The following PES1 variants were observed in gnomAD, a reference collection of about 807,000 sequenced individuals.
The protein encoded by PES1 is pescadillo homolog.
A neutral mutation model predicts 77.1 loss-of-function variants in PES1; 31 were observed. The observed-to-expected ratio is 0.40, with a 90% CI of 0.30 to 0.54. The LOEUF (loss-of-function observed/expected upper bound fraction) is 0.54, where lower values mean the gene tolerates loss of function less well. Among genes scored for constraint, PES1 ranks in the 20% least tolerant of loss-of-function variants. The probability of loss-of-function intolerance (pLI) is 0.45; values close to 1 mark genes in which losing one functional copy is unlikely to be tolerated. For synonymous variants in PES1, 282 were observed against 303.0 expected (o/e 0.93, Z 0.72); for missense variants, 658 against 771.7 (o/e 0.85, Z 1.75).
At chr22:30,606,168 T>C (rs1225833057) in intron 1 of PES1, among the ~76,000 whole-genome samples, 1 of 152,178 alleles carries the variant, frequency 6.6e-6, no homozygotes, top group Non-Finnish European at 1.5e-5. Context: ...GAGGTTACTT[T>C]CCGAGTTCTG....
At chr22:30,593,728 G>A (rs1046152001), upstream of PES1, among the ~76,000 whole-genome samples, 1 of 152,138 alleles carries the variant, frequency 6.6e-6, no homozygotes, top group Non-Finnish European at 1.5e-5. Context: ...ACACAGGTGG[G>A]GATGTTCAGG....
At chr22:30,578,780 C>T in intron 14 of PES1, 57 bp downstream of exon 14, 1 of 1,576,996 alleles carries the variant, frequency 6.3e-7, no homozygotes, top group African/African-American at 1.3e-5. Context: ...ATAAGTTCAC[C>T]TGTGCAGTTG....
rs2087051525 is a variant in PES1, at chr22:30,584,828, A to G, written c.369-111T>C. On this transcript the variant is annotated intron_variant, in intron 4 of 14. Coordinates refer to ENST00000354694, the MANE Select transcript of PES1 (RefSeq NM_014303.4). ...CCCGTTCCTCAAGCCAGGCCTCACC[A>G]CTGCCACCTCCTGACCTGGCAGGAG... 2.8e-6 allele frequency: 3 copies of G among 1,085,104 alleles called. No homozygotes were observed. The South Asian group carries it at 4.6e-5, about 16-fold the overall frequency. The allele number at this position is 1,085,104 out of a possible 1,614,324, so 67.2% of individuals were successfully genotyped here. A position where few individuals can be genotyped will look rare whatever the true frequency, so the allele number is the denominator to read the frequency against.
intron 13 of PES1, 21 bp from the exon 14 acceptor site, chr22:30,579,019 C>T (rs2086941860): frequency 6.2e-7 from 1 of 1,606,784 alleles, no homozygotes. Flanking sequence ...AAGGAGGGTG[C>T]TTATGGGGGC....
Position 30,577,273 on chromosome 22 carries a change from T to A in PES1, c.1684-144A>T, listed in dbSNP as rs964475147. 4.4e-6 allele frequency: 3 copies of A among 684,662 alleles called. No homozygotes were observed. The Admixed American group carries it at 7.1e-5, about 16-fold the overall frequency. The allele number at this position is 684,662 out of a possible 1,614,324, so 42.4% of individuals were successfully genotyped here. ...CAGGAAAAAAATCTACCTGACCCAC[T>A]TCATGGTGAGAAAACATGCGCTAGC... On this transcript the variant is annotated intron_variant, in intron 14 of 14. Coordinates refer to ENST00000354694, the MANE Select transcript of PES1 (RefSeq NM_014303.4).
upstream of PES1, chr22:30,592,437 G>C (rs2087198353): frequency 1.4e-5 from 14 of 983,530 alleles, no homozygotes; most frequent in Non-Finnish European, 1.7e-5. Context: ...CCTCGCGGAG[G>C]TATAGAGATC....
chr22:30,600,566 C>G, intron 2 of PES1, among the ~76,000 whole-genome samples: 1 of 152,086 alleles, frequency 6.6e-6, no homozygotes, highest in Admixed American at 6.6e-5. Context: ...CCTGTAATCC[C>G]AGCACTTTGG....
chr22:30,581,869 G>A (rs891289780), intron 6 of PES1, among the ~76,000 whole-genome samples: 4 of 152,130 alleles, frequency 2.6e-5, no homozygotes, highest in South Asian at 2.1e-4. Context: ...CTCTGGATAG[G>A]GGTCCCAAGG....
In PES1 at chr22:30,579,133, C is replaced by T. The variant is rs778156629; in HGVS notation, c.1521+4G>A. 6.2e-7 allele frequency: 1 copy of T among 1,608,362 alleles called. No homozygotes were observed. Among genetic ancestry groups the T allele is most frequent in the Non-Finnish European group, 8.5e-7 (1 of 1,179,866 alleles). On this transcript the variant is annotated splice_donor_region_variant and intron_variant, in intron 13 of 14. Transcript: ENST00000354694. ...GCCAAGCCCCGCATTGCAGCTCCCC[C>T]TACCTTCCCCTCCATCCTCTGCTCT...
At chr22:30,579,458 A>C in intron 12 of PES1, 155 bp from the exon 13 acceptor site, 1 of 1,241,256 alleles carries the variant, frequency 8.1e-7, no homozygotes, top group Non-Finnish European at 1.1e-6. Flanking sequence ...GCACCTCCCC[A>C]CAGCCCAGCT....
intron 2 of PES1, among the ~76,000 whole-genome samples, chr22:30,600,119 C>T (rs1008183745): frequency 2.0e-5 from 3 of 152,028 alleles, no homozygotes; most frequent in Admixed American, 1.3e-4. Flanking sequence ...ATAGCCTGAT[C>T]TCAGGAGTTT....
chr22:30,593,820 T>C (rs529986050), upstream of PES1, among the ~76,000 whole-genome samples: 6 of 152,316 alleles, frequency 3.9e-5, no homozygotes, highest in Non-Finnish European at 8.8e-5. Flanking sequence ...CTCAGGAAAG[T>C]AAGTGATCGC....
At chr22:30,595,728 T>C (rs1463268256), upstream of PES1, among the ~76,000 whole-genome samples, 1 of 152,020 alleles carries the variant, frequency 6.6e-6, no homozygotes, top group Non-Finnish European at 1.5e-5. Flanking sequence ...TTGTCAACCC[T>C]GGGTTTAAAG....
upstream of PES1, among the ~76,000 whole-genome samples, chr22:30,594,668 T>TAAA (rs34230525): frequency 1.5e-4 from 21 of 138,802 alleles, no homozygotes; most frequent in South Asian, 4.2e-3. Context: ...TGCCCCGCCT[T>TAAA]AAAAAAAAAA....
intron 2 of PES1, chr22:30,601,753 AG>A (rs950478702): frequency 6.6e-6 from 1 of 151,736 alleles, no homozygotes; most frequent in African/African-American, 2.4e-5. Flanking sequence ...GGTTTTTAGC[AG>A]TTACAAATAA....
At chr22:30,604,093 T>G (rs2087400070) in intron 2 of PES1, 1 of 152,218 alleles carries the variant, frequency 6.6e-6, no homozygotes, top group Admixed American at 6.5e-5. Flanking sequence ...GAGTCTTGTT[T>G]CCTTGGAAAC....
chr22:30,606,080 C>T (rs1418890263), intron 1 of PES1, among the ~76,000 whole-genome samples: 4 of 152,158 alleles, frequency 2.6e-5, no homozygotes, highest in Non-Finnish European at 5.9e-5. Flanking sequence ...CTAGTTAACT[C>T]GTATACATTG....
At chr22:30,596,573 G>A (rs2087255520), upstream of PES1, among the ~76,000 whole-genome samples, 1 of 151,820 alleles carries the variant, frequency 6.6e-6, no homozygotes. Context: ...GCCTCCATTA[G>A]ATTACCTATT....
intron 2 of PES1, among the ~76,000 whole-genome samples, chr22:30,600,589 G>A (rs1307186207): frequency 2.6e-5 from 4 of 152,106 alleles, no homozygotes; most frequent in South Asian, 2.1e-4. Context: ...GGCCGAGGCC[G>A]GTGGATCACG....
Sources: allele counts gnomAD v4.1 joint callset (sites outside exome capture counted in the v4.1 genomes callset), GRCh38; gene constraint gnomAD v4.1.1; transcripts MANE v1.5; gene names NCBI Gene and HGNC (gene_info 2026-07-23, HGNC 2026-07-21).